The following ZMYM1 variants were observed in gnomAD, a reference collection of about 807,000 sequenced individuals.
ZMYM1 encodes zinc finger MYM-type containing 1, also known as zinc finger MYM-type protein 1.
A neutral mutation model predicts 60.0 loss-of-function variants in ZMYM1; 39 were observed. That is an observed-to-expected ratio of 0.65 (90% CI 0.50 to 0.85). The LOEUF is 0.85. ZMYM1 is among the 40% of genes least tolerant of loss of function. ZMYM1 has a pLI of 0.00. For synonymous variants in ZMYM1, 413 were observed against 454.0 expected, an observed-to-expected ratio of 0.91 and a Z score of 1.15; for missense variants, 1,171 against 1,309.5, an observed-to-expected ratio of 0.89 and a Z score of 1.63.
chr1:35,112,865 C>A, intron 9 of ZMYM1, 112 bp from the exon 10 acceptor site: 1 of 950,136 alleles, frequency 1.1e-6, no homozygotes, highest in Non-Finnish European at 1.4e-6. Flanking sequence ...CCTAGTGGAG[C>A]TCATACTGTA....
chr1:35,083,742 C>G (rs1569876347), intron 1 of ZMYM1, among the ~76,000 whole-genome samples: 1 of 152,056 alleles, frequency 6.6e-6, no homozygotes, highest in Non-Finnish European at 1.5e-5. Context: ...GCCTCAGCCT[C>G]CCACATAGCC....
intron 6 of ZMYM1, among the ~76,000 whole-genome samples, chr1:35,107,504 T>C (rs1643934130): frequency 1.3e-5 from 2 of 150,572 alleles, no homozygotes; most frequent in African/African-American, 4.9e-5. Context: ...GAGTACCCAG[T>C]TGTTCAGCTT....
chr1:35,068,243 A>C (rs1201731274), intron 1 of ZMYM1, among the ~76,000 whole-genome samples: 2 of 151,850 alleles, frequency 1.3e-5, no homozygotes, highest in Middle Eastern at 3.4e-3. Flanking sequence ...ACATGGCAAA[A>C]CTCCGTCTCT....
At chr1:35,086,267 G>GT (rs978441592) in intron 1 of ZMYM1, among the ~76,000 whole-genome samples, 9 of 151,798 alleles carry the variant, frequency 5.9e-5, no homozygotes, top group East Asian at 1.9e-4. Flanking sequence ...GAATTTTAAG[G>GT]TTTTTTCCCA....
chr1:35,092,509 G>A lies in ZMYM1; in HGVS notation c.-74-1405G>A, dbSNP rs538378591. On this transcript the variant is annotated intron_variant, in intron 1 of 9. Coordinates refer to ENST00000359858, the MANE Select transcript of ZMYM1 (RefSeq NM_024772.5). ...ACCCGTCTTGGCCTCCCAAAGTGCT[G>A]GGATTACAGGCATGAACCACTGTGC... Among the ~76,000 whole-genome samples the A allele has an allele frequency of 5.9e-5, 9 of 152,126 alleles. No homozygotes were observed. The East Asian group carries it at 1.5e-3, about 26-fold the overall frequency.
At chr1:35,068,264 C>T (rs535138151) in intron 1 of ZMYM1, among the ~76,000 whole-genome samples, 23 of 151,520 alleles carry the variant, frequency 1.5e-4, no homozygotes, top group African/African-American at 5.6e-4. Flanking sequence ...ACTAAAAATA[C>T]AAAAATTATC....
chr1:35,087,127 A>G (rs929804464), intron 1 of ZMYM1, among the ~76,000 whole-genome samples: 2 of 150,706 alleles, frequency 1.3e-5, no homozygotes, highest in Admixed American at 6.6e-5. Context: ...AAGAGCTGGA[A>G]CTACAGGTGT....
Position 35,114,747 on chromosome 1 carries a change from G to T in ZMYM1, c.2917G>T (p.Asp973Tyr). The change falls in exon 10 of 10, where the codon GAT (aspartate) becomes TAT (tyrosine). Residue 973 changes from aspartate to tyrosine, a missense_variant. Physicochemically the swap from Asp to Tyr is radical, Grantham distance 160. Coordinates refer to ENST00000359858, the MANE Select transcript of ZMYM1 (RefSeq NM_024772.5). ...AATTAATATCTATTACCAAGGATTAGATACTATATTACAAAATTTAAAGTT... is the reference window on the plus strand; with the variant it reads ...AATTAATATCTATTACCAAGGATTATATACTATATTACAAAATTTAAAGTT... ...YKINIYYQGLDTILQNLKLCF... is the reference protein window; with the variant it reads ...YKINIYYQGLYTILQNLKLCF... The T allele has an allele frequency of 6.3e-7, 1 of 1,586,050 alleles. No homozygotes were observed. Among genetic ancestry groups the T allele is most frequent in the Non-Finnish European group, 8.6e-7 (1 of 1,164,658 alleles).
chr1:35,085,202 C>T (rs1025096971), intron 1 of ZMYM1, among the ~76,000 whole-genome samples: 2 of 152,006 alleles, frequency 1.3e-5, no homozygotes, highest in Non-Finnish European at 2.9e-5. Context: ...TGCCCACTAC[C>T]ACGCCTGGCT....
rs1181048275 is a variant in ZMYM1, at chr1:35,113,495, G to A, written c.1665G>A (p.Lys555=). Reference sequence around the variant, plus strand: ...TTGAGGGAAATAAAAAGTACCTAAAGCTTATAATTGAAAATATTTTATTTC... The same window carrying A: ...TTGAGGGAAATAAAAAGTACCTAAAACTTATAATTGAAAATATTTTATTTC... ...KQIEGNKKYL[K]LIIENILFLG... The change falls in exon 10 of 10, where the codon AAG becomes AAA. Residue 555 remains lysine, a synonymous_variant. Coordinates refer to ENST00000359858, the MANE Select transcript of ZMYM1 (RefSeq NM_024772.5). 1 of 1,610,306 alleles carries A rather than the reference G, an allele frequency of 6.2e-7. No individual in the cohort carries two copies. Among genetic ancestry groups the A allele is most frequent in the Admixed American group, 1.7e-5 (1 of 59,194 alleles).
intron 1 of ZMYM1, among the ~76,000 whole-genome samples, chr1:35,086,541 T>TA (rs1010067282): frequency 5.9e-5 from 9 of 151,984 alleles, no homozygotes; most frequent in Middle Eastern, 3.4e-3. Context: ...TCTGTAGCAG[T>TA]AAAAAAAATA....
intron 4 of ZMYM1, among the ~76,000 whole-genome samples, chr1:35,100,089 C>T (rs906702919): frequency 6.6e-6 from 1 of 152,062 alleles, no homozygotes; most frequent in Non-Finnish European, 1.5e-5. Flanking sequence ...TGCAGTTTCG[C>T]CATGTTGGCC....
At chr1:35,102,739 A>C (rs1162040486) in intron 4 of ZMYM1, among the ~76,000 whole-genome samples, 1 of 152,174 alleles carries the variant, frequency 6.6e-6, no homozygotes, top group Non-Finnish European at 1.5e-5. Flanking sequence ...AAAAGTGGCT[A>C]ATTCATTTAT....
chr1:35,111,257 A>G (rs1020199789), intron 7 of ZMYM1, among the ~76,000 whole-genome samples: 12 of 152,242 alleles, frequency 7.9e-5, no homozygotes, highest in African/African-American at 2.9e-4. Flanking sequence ...AAAAAGCCTC[A>G]TGTAGGACCA....
intron 1 of ZMYM1, among the ~76,000 whole-genome samples, chr1:35,080,314 C>CTTTT (rs35214559): frequency 0.011 from 1,397 of 125,446 alleles, 36 homozygotes; most frequent in African/African-American, 0.042. Context: ...ATTTGTGCTT[C>CTTTT]TTTTTTTTTT....
At chr1:35,111,409 T>C (rs1483627282) in intron 7 of ZMYM1, among the ~76,000 whole-genome samples, 2 of 152,228 alleles carry the variant, frequency 1.3e-5, no homozygotes, top group East Asian at 3.8e-4. Context: ...TTATGAATCC[T>C]GGAAGAGTTT....
chr1:35,092,401 T>C (rs1260435143), intron 1 of ZMYM1, among the ~76,000 whole-genome samples: 2 of 3,884 alleles, frequency 5.1e-4, no homozygotes, highest in Non-Finnish European at 2.5e-3. Context: ...CTCGGTTGAT[T>C]TTTTTTTTTT....
chr1:35,059,980 G>A (rs574420064), intron 1 of ZMYM1: 1 of 151,890 alleles, frequency 6.6e-6, no homozygotes. Flanking sequence ...CATCTCTAGG[G>A]TGCCACCTTT....
chr1:35,097,566 A>C lies in ZMYM1; in HGVS notation c.419A>C (p.Lys140Thr). The C allele has an allele frequency of 1.2e-6, 2 of 1,614,116 alleles. No individual in the cohort carries two copies. Among genetic ancestry groups the C allele is most frequent in the Non-Finnish European group, 1.7e-6 (2 of 1,179,958 alleles). ...AAGAGAACTTGTTCAAACTGCTCAA[A>C]GTATATAATTCTAAATTATGCCCCC... ...PSKRTCSNCSKDILNPKDVIS... is the reference protein window; with the variant it reads ...PSKRTCSNCSTDILNPKDVIS... Residue 140 changes from lysine (K) to threonine (T), a missense_variant and splice_region_variant, in exon 4 of 10, where the codon AAA becomes ACA. Transcript: ENST00000359858.
Sources: allele counts gnomAD v4.1 joint callset (sites outside exome capture counted in the v4.1 genomes callset), GRCh38; gene constraint gnomAD v4.1.1; transcripts MANE v1.5; gene names NCBI Gene and HGNC (gene_info 2026-07-23, HGNC 2026-07-21).